The following MMRN1 variants were observed in gnomAD, a reference collection of about 807,000 sequenced individuals.
The protein encoded by MMRN1 is multimerin 1, also known as multimerin-1.
In MMRN1, 94 loss-of-function variants were observed where a neutral mutation model predicts 100.7. The ratio of observed to expected loss-of-function variants is 0.93; its 90% CI spans 0.79 to 1.11. The LOEUF (loss-of-function observed/expected upper bound fraction) is 1.11. Among genes scored for constraint, MMRN1 ranks in the 50% least tolerant of loss-of-function variants. The pLI is 0.00. For missense variants in MMRN1, 1,606 were observed against 1,439.1 expected, an observed-to-expected ratio of 1.12 and a Z score of -1.88; for synonymous variants, 575 against 505.0, an observed-to-expected ratio of 1.14 and a Z score of -1.86.
At chr4:89,881,648 G>C (rs1720818669) in intron 1 of MMRN1, among the ~76,000 whole-genome samples, 2 of 151,700 alleles carry the variant, frequency 1.3e-5, no homozygotes, top group Non-Finnish European at 2.9e-5. Flanking sequence ...AATGGAAGAA[G>C]TCTTTTCTAG....
chr4:89,913,178 T>C (rs1395329811), intron 3 of MMRN1, among the ~76,000 whole-genome samples: 1 of 151,296 alleles, frequency 6.6e-6, no homozygotes, highest in East Asian at 1.9e-4. Context: ...TGGTAAAACA[T>C]ATTTGTGTCT....
intron 5 of MMRN1, among the ~76,000 whole-genome samples, chr4:89,934,283 T>C (rs763707616): frequency 2.0e-5 from 3 of 152,176 alleles, no homozygotes; most frequent in Admixed American, 6.6e-5. Flanking sequence ...TTAAATCTTA[T>C]GAATATTACT....
chr4:89,947,892 G>A (rs1560600155), intron 6 of MMRN1, among the ~76,000 whole-genome samples: 1 of 152,048 alleles, frequency 6.6e-6, no homozygotes, highest in Admixed American at 6.6e-5. Flanking sequence ...TCACTCCGTC[G>A]CCCAGGCTGG....
In MMRN1 at chr4:89,951,662, G is replaced by C; in HGVS notation, c.3176G>C (p.Gly1059Ala). The change falls in exon 7 of 8, where the codon GGA becomes GCA. Residue 1059 changes from glycine (G) to alanine (A), a missense_variant. Physicochemically the swap from Gly to Ala is moderately conservative, Grantham distance 60. Coordinates refer to ENST00000264790, the MANE Select transcript of MMRN1 (RefSeq NM_007351.3). The part of the protein sequence containing the change: ...PCQNGGTCIN[G>A]RTSFTCACRH... ...CAAAATGGGGGCACGTGCATAAATG[G>C]AAGAACTAGCTTTACCTGTGCCTGC... 6.3e-7 allele frequency: 1 copy of C among 1,575,788 alleles called. No individual in the cohort carries two copies. Among genetic ancestry groups the C allele is most frequent in the Non-Finnish European group, 8.6e-7 (1 of 1,166,228 alleles).
In MMRN1 at chr4:89,919,015, TTTA is replaced by T. The variant is rs1722005833; in HGVS notation, c.851-4149_851-4147del. 3.3e-5 allele frequency among the ~76,000 whole-genome samples: 5 copies of T among 151,688 alleles called. 1 individual carries two copies. Among genetic ancestry groups the T allele is most frequent in the Admixed American group, 3.3e-4 (5 of 15,186 alleles). Reference sequence around the variant, plus strand: ...AGTTTCATTAATAATACTTTTAAATTTTATTAAGTTGACTTTTAAGTTTTCTAA... The same window carrying T: ...AGTTTCATTAATAATACTTTTAAATTTTAAGTTGACTTTTAAGTTTTCTAA... On this transcript the variant is annotated intron_variant, in intron 3 of 7. Coordinates refer to ENST00000264790, the MANE Select transcript of MMRN1 (RefSeq NM_007351.3).
At chr4:89,888,454 T>C (rs1720984492) in intron 1 of MMRN1, among the ~76,000 whole-genome samples, 1 of 151,328 alleles carries the variant, frequency 6.6e-6, no homozygotes, top group African/African-American at 2.4e-5. Context: ...TTTTTTTTTT[T>C]CCTGATAACT....
chr4:89,924,308 AT>A (rs1373964403), intron 4 of MMRN1, among the ~76,000 whole-genome samples: 1 of 152,100 alleles, frequency 6.6e-6, no homozygotes, highest in Non-Finnish European at 1.5e-5. Context: ...CTTTGAAATA[AT>A]TTTTTTAAAA....
chr4:89,902,589 A>G (rs1721428514), intron 1 of MMRN1, among the ~76,000 whole-genome samples: 1 of 152,032 alleles, frequency 6.6e-6, no homozygotes, highest in Non-Finnish European at 1.5e-5. Flanking sequence ...AATATTGTGT[A>G]TAGACAGTAA....
At chr4:89,904,968 T>C (rs150342141) in intron 1 of MMRN1, among the ~76,000 whole-genome samples, 1,962 of 151,790 alleles carry the variant, frequency 0.013, 46 homozygotes, top group African/African-American at 0.044. Flanking sequence ...TCTATTTTCC[T>C]CTTTAAACAA....
At chr4:89,923,900 A>T (rs1722167322) in intron 4 of MMRN1, among the ~76,000 whole-genome samples, 1 of 152,222 alleles carries the variant, frequency 6.6e-6, no homozygotes, top group African/African-American at 2.4e-5. Flanking sequence ...GCACTCAATT[A>T]AGAAATGTGA....
In MMRN1 at chr4:89,909,363, T is replaced by C. The variant is rs754768880; in HGVS notation, c.711T>C (p.Pro237=). The C allele has an allele frequency of 5.6e-6, 9 of 1,610,100 alleles. No individual in the cohort carries two copies. Among genetic ancestry groups the C allele is most frequent in the Middle Eastern group, 3.3e-4 (2 of 6,030 alleles). The change falls in exon 2 of 8, where the codon CCT becomes CCC. Residue 237 remains proline (P), a synonymous_variant. Transcript: ENST00000264790. ...CTTATGTCCCAGGTGGGAAAGGACC[T>C]TGTGGCTGGACCGGTGGATCCTGTC... ...QVTYVPGGKG[P]CGWTGGSCPQ...
intron 1 of MMRN1, among the ~76,000 whole-genome samples, chr4:89,897,766 T>TGTGTAAA (rs1721255040): frequency 6.6e-6 from 1 of 152,180 alleles, no homozygotes. Flanking sequence ...TGTGCTAGGC[T>TGTGTAAA]TTGGGTTACA....
At chr4:89,951,867 TC>T in intron 7 of MMRN1, 116 bp downstream of exon 7, 2 of 1,214,390 alleles carry the variant, frequency 1.6e-6, no homozygotes, top group East Asian at 5.6e-5. Flanking sequence ...ACTTGACAAT[TC>T]CTTTTACTTT....
upstream of MMRN1, among the ~76,000 whole-genome samples, chr4:89,893,818 A>G (rs1456209089): frequency 2.6e-5 from 4 of 152,162 alleles, no homozygotes; most frequent in Non-Finnish European, 5.9e-5. Context: ...GAATGAATGA[A>G]CTATTATAAC....
At position 89,935,961 on chromosome 4, in the gene MMRN1, A is replaced by G; in HGVS notation, c.2281A>G (p.Ile761Val). The change falls in exon 6 of 8, where the codon ATC becomes GTC. Residue 761 changes from isoleucine to valine, a missense_variant. Ile to Val is a conservative substitution (Grantham distance 29, BLOSUM62 3). Coordinates refer to ENST00000264790, the MANE Select transcript of MMRN1 (RefSeq NM_007351.3). ...TLSTIKDNSE[I>V]HHKCTSDMET... is the part of the protein sequence containing the mutation. ...AAGTACTATTAAGGATAATAGTGAG[A>G]TCCATCATAAATGTACCTCCGATAT... is the stretch of plus-strand genomic sequence containing the variant. 6.2e-7 allele frequency: 1 copy of G among 1,611,728 alleles called. No individual in the cohort carries two copies. The highest frequency in any genetic ancestry group is 8.5e-7 in the Non-Finnish European group (1 of 1,178,284).
chr4:89,916,117 C>T (rs1212998341), intron 3 of MMRN1, among the ~76,000 whole-genome samples: 3 of 151,568 alleles, frequency 2.0e-5, no homozygotes, highest in Admixed American at 1.3e-4. Context: ...CTGGTTAAAT[C>T]CCGTGTAATA....
intron 1 of MMRN1, among the ~76,000 whole-genome samples, chr4:89,880,525 G>T (rs1413974897): frequency 6.6e-6 from 1 of 152,080 alleles, no homozygotes; most frequent in Non-Finnish European, 1.5e-5. Context: ...TTACAGAAAA[G>T]GTGAGTCACA....
intron 6 of MMRN1, among the ~76,000 whole-genome samples, chr4:89,940,743 TAA>T (rs1722797665): frequency 6.6e-6 from 1 of 152,162 alleles, no homozygotes; most frequent in African/African-American, 2.4e-5. Flanking sequence ...GATAGTGTAT[TAA>T]GTTATTACTA....
chr4:89,920,311 C>G lies in MMRN1; in HGVS notation c.851-2857C>G, dbSNP rs1722048032. On this transcript the variant is annotated intron_variant, in intron 3 of 7. Coordinates refer to ENST00000264790, the MANE Select transcript of MMRN1 (RefSeq NM_007351.3). ...GTTGCTAGATGGGAGTAAGGAGCAACAGTCTGGCTTTTGAGTGGAAAGTGA... is the reference window on the plus strand; with the variant it reads ...GTTGCTAGATGGGAGTAAGGAGCAAGAGTCTGGCTTTTGAGTGGAAAGTGA... Among the ~76,000 whole-genome samples the G allele has an allele frequency of 6.6e-5, 10 of 152,256 alleles. No individual in the cohort carries two copies. In the South Asian group the frequency reaches 2.1e-3, roughly 32 times the overall value.
Sources: allele counts gnomAD v4.1 joint callset (sites outside exome capture counted in the v4.1 genomes callset), GRCh38; gene constraint gnomAD v4.1.1; transcripts MANE v1.5; gene names NCBI Gene and HGNC (gene_info 2026-07-23, HGNC 2026-07-21).